The following TNRC6B variants were observed in gnomAD, a reference collection of about 807,000 sequenced individuals.
TNRC6B encodes trinucleotide repeat containing adaptor 6B, also known as trinucleotide repeat-containing gene 6B protein.
In TNRC6B, 52 loss-of-function variants were observed where a neutral mutation model predicts 203.6. The observed-to-expected ratio is 0.26, with a 90% CI of 0.20 to 0.32. The LOEUF is 0.32. Among genes scored for constraint, TNRC6B ranks in the 10% least tolerant of loss-of-function variants. The probability of loss-of-function intolerance (pLI) is 1.00; values close to 1 mark genes in which losing one functional copy is unlikely to be tolerated. For synonymous variants in TNRC6B, 838 were observed against 845.7 expected, an observed-to-expected ratio of 0.99 and a Z score of 0.16; for missense variants, 1,923 against 2,286.2, an observed-to-expected ratio of 0.84 and a Z score of 3.24.
At chr22:40,186,737 C>CA (rs540875411) in intron 1 of TNRC6B, among the ~76,000 whole-genome samples, 38,181 of 121,708 alleles carry the variant, frequency 0.31, 5,797 homozygotes, top group African/African-American at 0.45. Flanking sequence ...GACTCCATCT[C>CA]AAAAAAAAAA....
chr22:40,172,070 G>T (rs1282028765), intron 4 of TNRC6B, among the ~76,000 whole-genome samples: 1 of 151,896 alleles, frequency 6.6e-6, no homozygotes, highest in Admixed American at 6.6e-5. Flanking sequence ...GTAGAGATGG[G>T]GGTTTCACCA....
At chr22:40,264,598 A>G (rs2070444700) in intron 4 of TNRC6B, 90 bp from the exon 5 acceptor site, 3 of 1,369,604 alleles carry the variant, frequency 2.2e-6, no homozygotes, top group South Asian at 1.6e-5. Context: ...AGCTCTCCTA[A>G]GGGCAGAGCT....
At chr22:40,177,849 C>G, upstream of TNRC6B, 5 of 1,327,096 alleles carry the variant, frequency 3.8e-6, no homozygotes, top group Non-Finnish European at 3.8e-6. Flanking sequence ...AGCTCCCTCC[C>G]CTTTCCTGAT....
chr22:40,314,267 A>G (rs577633274), intron 19 of TNRC6B, among the ~76,000 whole-genome samples: 2 of 152,290 alleles, frequency 1.3e-5, no homozygotes, highest in East Asian at 3.9e-4. Flanking sequence ...ACAAAACCTC[A>G]GTATTTTCTT....
At chr22:40,144,263 A>G (rs1179593423) in intron 3 of TNRC6B, among the ~76,000 whole-genome samples, 1 of 152,262 alleles carries the variant, frequency 6.6e-6, no homozygotes, top group Non-Finnish European at 1.5e-5. Flanking sequence ...AACACATTAT[A>G]TGAAAATGCT....
chr22:40,204,023 C>T (rs529811107), intron 1 of TNRC6B, among the ~76,000 whole-genome samples: 8 of 152,166 alleles, frequency 5.3e-5, no homozygotes, highest in Non-Finnish European at 1.0e-4. Flanking sequence ...CATCCCTATT[C>T]GCTTCTTAAT....
chr22:40,173,774 CATATAT>C (rs1390905827), upstream of TNRC6B, among the ~76,000 whole-genome samples: 1 of 21,246 alleles, frequency 4.7e-5, no homozygotes, highest in Non-Finnish European at 8.5e-5. Flanking sequence ...GATTTTTGAA[CATATAT>C]ATATATATAT....
At chr22:40,227,764 G>A (rs528150736) in intron 1 of TNRC6B, among the ~76,000 whole-genome samples, 40 of 152,256 alleles carry the variant, frequency 2.6e-4, no homozygotes, top group African/African-American at 8.7e-4. Flanking sequence ...AAGAAAAACT[G>A]TGTCGAACCA....
At position 40,134,982 on chromosome 22, in the gene TNRC6B, C is replaced by A. The variant is rs1864980412; in HGVS notation, c.45+9120C>A. Among the ~76,000 whole-genome samples the A allele has an allele frequency of 2.0e-5, 3 of 152,234 alleles. No individual in the cohort carries two copies. The South Asian group carries it at 6.2e-4, about 31-fold the overall frequency. ...AAGTGGTATTGGCTGGAGTTACAGT[C>A]ATCTGGAGGCCCAATTGGCCAGAAA... On this transcript the variant is annotated intron_variant, in intron 3 of 23. Transcript: ENST00000301923.
chr22:40,309,754 A>G (rs987517301), intron 16 of TNRC6B, among the ~76,000 whole-genome samples: 1 of 152,182 alleles, frequency 6.6e-6, no homozygotes, highest in Non-Finnish European at 1.5e-5. Context: ...CTTATAGATC[A>G]TGTTTTCCCA....
intron 3 of TNRC6B, among the ~76,000 whole-genome samples, chr22:40,148,798 G>T (rs2068719558): frequency 6.6e-6 from 1 of 152,084 alleles, no homozygotes; most frequent in Non-Finnish European, 1.5e-5. Flanking sequence ...TAAAAGGGGG[G>T]AACTTTGGAC....
At chr22:40,300,410 C>T (rs2071007309) in intron 12 of TNRC6B, 45 bp from the exon 13 acceptor site, 10 of 1,478,056 alleles carry the variant, frequency 6.8e-6, no homozygotes, top group Non-Finnish European at 9.0e-6. Context: ...TTGATAAATT[C>T]TGAAGATTCC....
chr22:40,263,275 G>A (rs2070415083), intron 4 of TNRC6B, among the ~76,000 whole-genome samples: 1 of 152,140 alleles, frequency 6.6e-6, no homozygotes, highest in Admixed American at 6.6e-5. Context: ...ACAAATAATT[G>A]CCTAGAAAAT....
Position 40,257,204 on chromosome 22 carries a change from G to T in TNRC6B, c.116-4628G>T, listed in dbSNP as rs186028281. ...ATTGAGATAGTTAAAGGAAATAATA[G>T]TTTGTACTAGTTCTGTGCAGCTGCT... On this transcript the variant is annotated intron_variant, in intron 3 of 22. Coordinates refer to ENST00000454349, the MANE Select transcript of TNRC6B (RefSeq NM_001162501.2). Among the ~76,000 whole-genome samples the T allele has an allele frequency of 2.1e-3, 324 of 152,256 alleles. 2 individuals are homozygous for T. The highest frequency in any genetic ancestry group is 6.7e-3 in the African/African-American group (279 of 41,536).
Position 40,178,093 on chromosome 22 carries a change from C to T in TNRC6B, c.-43C>T, listed in dbSNP as rs186783464. 4.2e-5 allele frequency: 68 copies of T among 1,608,272 alleles called. No homozygotes were observed. In the Admixed American group the frequency reaches 6.7e-4, roughly 16 times the overall value. ...GACCTTTTTTCATTTCCATTTCTAC[C>T]TTGTATGCCTCAATTTGCTGGATTT... On this transcript the variant is annotated 5_prime_UTR_variant, in exon 1 of 23. Coordinates refer to ENST00000454349, the MANE Select transcript of TNRC6B (RefSeq NM_001162501.2).
At chr22:40,282,906 C>T (rs973076622) in intron 11 of TNRC6B, among the ~76,000 whole-genome samples, 46 of 152,220 alleles carry the variant, frequency 3.0e-4, no homozygotes, top group African/African-American at 9.2e-4. Context: ...GCAAATACCA[C>T]CAGACTCAGG....
intron 22 of TNRC6B, 105 bp from the exon 23 acceptor site, chr22:40,322,749 C>G: frequency 7.4e-7 from 1 of 1,347,304 alleles, no homozygotes; most frequent in Non-Finnish European, 1.0e-6. Flanking sequence ...ATGGCAGCTT[C>G]TAGTCAAAGG....
rs1164105341 is a variant in TNRC6B, at chr22:40,331,268, G to A, written c.*8027G>A. On this transcript the variant is annotated 3_prime_UTR_variant, in exon 23 of 23. Transcript: ENST00000454349. ...ACACAAGGAAAAGGGGTTTTGAAGA[G>A]TTAAGATTGAAGTGTTTGAGAAAGA... 1 of 155,196 alleles carries A rather than the reference G, an allele frequency of 6.4e-6. No individual in the cohort carries two copies. Among genetic ancestry groups the A allele is most frequent in the Non-Finnish European group, 1.4e-5 (1 of 69,818 alleles). The allele number at this position is 155,196 out of a possible 1,614,324, so 9.6% of individuals were successfully genotyped here.
At chr22:40,052,893 C>T (rs2067761865) in intron 1 of TNRC6B, among the ~76,000 whole-genome samples, 1 of 151,986 alleles carries the variant, frequency 6.6e-6, no homozygotes, top group African/African-American at 2.4e-5. Flanking sequence ...CAAATGTTAC[C>T]TTCTATTCTC....
Sources: allele counts gnomAD v4.1 joint callset (sites outside exome capture counted in the v4.1 genomes callset), GRCh38; gene constraint gnomAD v4.1.1; transcripts MANE v1.5; gene names NCBI Gene and HGNC (gene_info 2026-07-23, HGNC 2026-07-21).